Variants in HHLA1 observed in about 807,000 individuals in gnomAD.
HHLA1 encodes the protein HHLA1 neighbor of OC90.
In HHLA1, 72 loss-of-function variants were observed where a neutral mutation model predicts 69.9. The ratio of observed to expected loss-of-function variants is 1.03; its 90% CI spans 0.85 to 1.25. The LOEUF (loss-of-function observed/expected upper bound fraction) is 1.25. HHLA1 is among the 50% of genes most tolerant of loss of function. HHLA1 has a pLI of 0.00. For synonymous variants in HHLA1, 252 were observed against 233.2 expected, an observed-to-expected ratio of 1.08 and a Z score of -0.73; for missense variants, 685 against 642.2, an observed-to-expected ratio of 1.07 and a Z score of -0.72.
chr8:132,089,667 T>C, intron 7 of HHLA1, 68 bp from the exon 8 acceptor site: 1 of 793,286 alleles, frequency 1.3e-6, no homozygotes, highest in Non-Finnish European at 2.2e-6. Context: ...ATACTGTGTT[T>C]GGATTTTTCA....
chr8:132,065,642 C>T (rs991460985), intron 16 of HHLA1, among the ~76,000 whole-genome samples: 19 of 152,206 alleles, frequency 1.2e-4, no homozygotes, highest in African/African-American at 4.6e-4. Context: ...CCTGAGTTCA[C>T]GCAGAGAGCA....
intron 3 of HHLA1, among the ~76,000 whole-genome samples, chr8:132,101,731 G>T (rs1201792485): frequency 6.6e-6 from 1 of 151,890 alleles, no homozygotes; most frequent in South Asian, 2.1e-4. Context: ...GCACCACCAC[G>T]CCTGGCTATT....
intron 14 of HHLA1, among the ~76,000 whole-genome samples, chr8:132,073,402 A>G (rs953681463): frequency 1.3e-5 from 2 of 152,172 alleles, no homozygotes; most frequent in Admixed American, 6.5e-5. Context: ...ACACTGACCA[A>G]TTTCCATCAA....
At chr8:132,103,584 C>CG (rs1563750182) in intron 3 of HHLA1, among the ~76,000 whole-genome samples, 1 of 152,094 alleles carries the variant, frequency 6.6e-6, no homozygotes, top group Non-Finnish European at 1.5e-5. Context: ...TGCCACCTGA[C>CG]TCCCATCTGG....
At chr8:132,076,180 G>C in intron 13 of HHLA1, 51 bp from the exon 14 acceptor site, 1 of 1,266,424 alleles carries the variant, frequency 7.9e-7, no homozygotes, top group South Asian at 1.3e-5. Context: ...ATTACCTTAG[G>C]TGATACACAC....
intron 2 of HHLA1, 149 bp downstream of exon 2, chr8:132,105,038 A>G (rs1046476584): frequency 6.1e-6 from 4 of 656,466 alleles, no homozygotes; most frequent in African/African-American, 5.4e-5. Context: ...TCAAGGGAAC[A>G]ACAGAAGTAG....
chr8:132,090,630 T>C (rs1463595349), intron 7 of HHLA1, among the ~76,000 whole-genome samples: 1 of 152,174 alleles, frequency 6.6e-6, no homozygotes, highest in Non-Finnish European at 1.5e-5. Context: ...GGTCTTACTA[T>C]ATCCGCACAG....
intron 5 of HHLA1, 148 bp downstream of exon 5, chr8:132,098,734 C>A: frequency 1.7e-6 from 1 of 582,640 alleles, no homozygotes; most frequent in East Asian, 3.0e-5. Flanking sequence ...AGGCGTGAGA[C>A]ACTGAGCTCA....
intron 7 of HHLA1, among the ~76,000 whole-genome samples, chr8:132,094,587 C>T (rs1474339751): frequency 6.6e-6 from 1 of 152,194 alleles, no homozygotes; most frequent in Non-Finnish European, 1.5e-5. Context: ...AAGGTCACCC[C>T]TCAACCCTCA....
chr8:132,089,467 A>G, intron 8 of HHLA1, 49 bp downstream of exon 8: 1 of 984,232 alleles, frequency 1.0e-6, no homozygotes, highest in South Asian at 1.4e-5. Flanking sequence ...ATCTACCACA[A>G]CAGATGCTAA....
At chr8:132,110,521 A>G (rs1024505931) in intron 1 of HHLA1, among the ~76,000 whole-genome samples, 3 of 152,232 alleles carry the variant, frequency 2.0e-5, no homozygotes, top group Non-Finnish European at 2.9e-5. Flanking sequence ...GGAGTTTTAC[A>G]TATAGTAACC....
At chr8:132,077,490 G>A (rs946362709) in intron 12 of HHLA1, among the ~76,000 whole-genome samples, 26 of 151,976 alleles carry the variant, frequency 1.7e-4, no homozygotes, top group African/African-American at 5.8e-4. Flanking sequence ...TGGGGAGTGC[G>A]ATTACATAAA....
rs754745614 is a variant in HHLA1 at position 132,063,694 on chromosome 8, A to G, written c.*301T>C. 1 of 168,744 alleles carries G rather than the reference A, an allele frequency of 5.9e-6. No homozygotes were observed. Among genetic ancestry groups the G allele is most frequent in the Non-Finnish European group, 1.3e-5 (1 of 76,606 alleles). The allele number at this position is 168,744 out of a possible 1,614,324, so 10.5% of individuals were successfully genotyped here. A position where few individuals can be genotyped will look rare whatever the true frequency, so the allele number is the denominator to read the frequency against. ...TTAAATTGTCAGGATTGCCTCAAGC[A>G]TTGTAGGAGTTTCTTGAGCATGAAC... is the stretch of plus-strand genomic sequence containing the variant. On this transcript the variant is annotated 3_prime_UTR_variant, in exon 17 of 17. Transcript: ENST00000414222.
chr8:132,105,047 AG>A, intron 2 of HHLA1, 139 bp downstream of exon 2: 1 of 673,452 alleles, frequency 1.5e-6, no homozygotes, highest in South Asian at 1.8e-5. Context: ...CAACAGAAGT[AG>A]GGAAGTTATT....
At chr8:132,083,720 G>A (rs1444910802) in intron 10 of HHLA1, among the ~76,000 whole-genome samples, 8 of 152,206 alleles carry the variant, frequency 5.3e-5, no homozygotes, top group African/African-American at 1.9e-4. Context: ...TGTGGGAGGA[G>A]GTTCTGGAGG....
chr8:132,089,493 A>G (rs2130890988), intron 8 of HHLA1, 23 bp downstream of exon 8: 1 of 1,339,318 alleles, frequency 7.5e-7, no homozygotes, highest in Non-Finnish European at 1.0e-6. Context: ...AAAGTTGCCA[A>G]AGCGTTTTCA....
intron 10 of HHLA1, chr8:132,080,175 C>G (rs1823724288): frequency 2.8e-6 from 2 of 703,794 alleles, no homozygotes; most frequent in East Asian, 5.7e-5. Flanking sequence ...CTCCAGGACT[C>G]TGGTACATGT....
chr8:132,088,948 T>A (rs1586731140), intron 8 of HHLA1, among the ~76,000 whole-genome samples: 1 of 152,340 alleles, frequency 6.6e-6, no homozygotes, highest in Admixed American at 6.5e-5. Flanking sequence ...CTCCTGCTTT[T>A]AAAACAGTAG....
chr8:132,089,438 G>T, intron 8 of HHLA1, 78 bp downstream of exon 8: 1 of 791,646 alleles, frequency 1.3e-6, no homozygotes, highest in Non-Finnish European at 2.2e-6. Context: ...TTGGGGTGAG[G>T]AACATAATAT....
Sources: allele counts gnomAD v4.1 joint callset (sites outside exome capture counted in the v4.1 genomes callset), GRCh38; gene constraint gnomAD v4.1.1; transcripts MANE v1.5; gene names NCBI Gene and HGNC (gene_info 2026-07-23, HGNC 2026-07-21).